Variants in MACROD2 observed in about 807,000 individuals in gnomAD.
The protein encoded by MACROD2 is mono-ADP ribosylhydrolase 2.
A neutral mutation model predicts 70.4 loss-of-function variants in MACROD2; 36 were observed. The observed-to-expected ratio is 0.51, with a 90% CI of 0.39 to 0.68. The LOEUF is 0.68. Among genes scored for constraint, MACROD2 ranks in the 30% least tolerant of loss-of-function variants. MACROD2 has a pLI of 0.00. For missense variants in MACROD2, 496 were observed against 538.4 expected (o/e 0.92, Z 0.78); for synonymous variants, 172 against 178.8 (o/e 0.96, Z 0.30).
intron 3 of MACROD2, among the ~76,000 whole-genome samples, chr20:14,472,066 G>A (rs1288440057): frequency 6.6e-6 from 1 of 152,064 alleles, no homozygotes; most frequent in African/African-American, 2.4e-5. Flanking sequence ...ATCTTAATTA[G>A]CATTCAGGGG....
chr20:16,040,813 A>G (rs1428194737), intron 15 of MACROD2, among the ~76,000 whole-genome samples: 2 of 151,928 alleles, frequency 1.3e-5, no homozygotes, highest in African/African-American at 4.8e-5. Context: ...GGCAAAATTC[A>G]TTTTCTCTTT....
At chr20:15,742,512 T>C (rs1424008631) in intron 8 of MACROD2, among the ~76,000 whole-genome samples, 2 of 152,228 alleles carry the variant, frequency 1.3e-5, no homozygotes, top group Non-Finnish European at 2.9e-5. Context: ...GGACAGCCCA[T>C]AACATAGGGA....
chr20:15,694,538 T>G (rs910805495), intron 8 of MACROD2, among the ~76,000 whole-genome samples: 14 of 152,324 alleles, frequency 9.2e-5, no homozygotes, highest in African/African-American at 3.1e-4. Flanking sequence ...CTATTCATAT[T>G]CTTAGCCCAC....
chr20:14,550,424 G>A (rs1410476239), intron 4 of MACROD2, among the ~76,000 whole-genome samples: 1 of 152,030 alleles, frequency 6.6e-6, no homozygotes, highest in Admixed American at 6.6e-5. Flanking sequence ...GTATTAGGAG[G>A]TGGGGCCTTT....
At chr20:14,578,108 G>C (rs1026259528) in intron 4 of MACROD2, among the ~76,000 whole-genome samples, 2 of 151,394 alleles carry the variant, frequency 1.3e-5, no homozygotes, top group East Asian at 1.9e-4. Context: ...AACTTTAAAG[G>C]CTCTTCCAAG....
chr20:14,404,276 A>C (rs1023712709), intron 3 of MACROD2, among the ~76,000 whole-genome samples: 4 of 152,300 alleles, frequency 2.6e-5, no homozygotes, highest in Admixed American at 1.3e-4. Flanking sequence ...CATAAAGGCT[A>C]AGAATTTTCC....
At chr20:15,536,305 A>G (rs1460233812) in intron 8 of MACROD2, among the ~76,000 whole-genome samples, 3 of 152,182 alleles carry the variant, frequency 2.0e-5, no homozygotes, top group African/African-American at 4.8e-5. Flanking sequence ...TATCACCTCC[A>G]CATGGGTTGT....
At chr20:14,998,347 T>C (rs1308608814) in intron 5 of MACROD2, among the ~76,000 whole-genome samples, 1 of 152,150 alleles carries the variant, frequency 6.6e-6, no homozygotes, top group Non-Finnish European at 1.5e-5. Context: ...ATAGCTGTTT[T>C]GAAGAAGCTC....
At chr20:14,596,653 T>G (rs957324092) in intron 4 of MACROD2, among the ~76,000 whole-genome samples, 2 of 152,126 alleles carry the variant, frequency 1.3e-5, no homozygotes, top group Admixed American at 6.6e-5. Flanking sequence ...ATTGCTATAC[T>G]TACACTTTTA....
chr20:15,365,701 A>G (rs1298115355), intron 6 of MACROD2, among the ~76,000 whole-genome samples: 1 of 152,118 alleles, frequency 6.6e-6, no homozygotes, highest in East Asian at 1.9e-4. Context: ...GTTTGTAATC[A>G]GAAAGATCAC....
intron 8 of MACROD2, among the ~76,000 whole-genome samples, chr20:15,764,633 C>T (rs1223585628): frequency 1.3e-5 from 2 of 152,154 alleles, no homozygotes; most frequent in African/African-American, 2.4e-5. Flanking sequence ...TCTTCCGATG[C>T]CACCACCATA....
intron 5 of MACROD2, among the ~76,000 whole-genome samples, chr20:15,180,402 A>G (rs2076492286): frequency 6.6e-6 from 1 of 152,244 alleles, no homozygotes; most frequent in Non-Finnish European, 1.5e-5. Context: ...ACCCAGACAA[A>G]TTGTGGTACA....
At chr20:15,947,910 G>A (rs1174160763) in intron 12 of MACROD2, among the ~76,000 whole-genome samples, 1 of 152,132 alleles carries the variant, frequency 6.6e-6, no homozygotes, top group Non-Finnish European at 1.5e-5. Flanking sequence ...TAGAAAATGG[G>A]CCACTTTTTG....
At chr20:14,183,198 A>G (rs970262894) in intron 3 of MACROD2, among the ~76,000 whole-genome samples, 3 of 151,448 alleles carry the variant, frequency 2.0e-5, no homozygotes, top group African/African-American at 7.3e-5. Flanking sequence ...TCCTTCTGAT[A>G]GGCCCCAGTG....
chr20:16,005,000 A>C (rs1448815314), intron 15 of MACROD2, among the ~76,000 whole-genome samples: 1 of 152,254 alleles, frequency 6.6e-6, no homozygotes, highest in African/African-American at 2.4e-5. Flanking sequence ...TGAGCAAAGC[A>C]CATCCATACA....
chr20:15,283,649 G>A (rs1216111928), intron 6 of MACROD2, among the ~76,000 whole-genome samples: 3 of 151,374 alleles, frequency 2.0e-5, no homozygotes, highest in South Asian at 2.1e-4. Context: ...TCCAGCCTGG[G>A]CAACAAGAGT....
At chr20:15,423,465 A>G (rs189677174) in intron 6 of MACROD2, among the ~76,000 whole-genome samples, 130 of 152,270 alleles carry the variant, frequency 8.5e-4, no homozygotes, top group Non-Finnish European at 1.5e-3. Flanking sequence ...TCAGGCTGCT[A>G]TAACAAATAC....
chr20:14,382,718 C>A lies in MACROD2; in HGVS notation c.272-110761C>A, dbSNP rs1227383875. 2.0e-5 allele frequency among the ~76,000 whole-genome samples: 3 copies of A among 151,890 alleles called. No individual in the cohort carries two copies. In the East Asian group the frequency reaches 5.8e-4, roughly 29 times the overall value. On this transcript the variant is annotated intron_variant, in intron 3 of 17. Coordinates refer to ENST00000684519, the MANE Select transcript of MACROD2 (RefSeq NM_001351661.2). ...AATAAATAAAAGGTTAATCTGAATT[C>A]TTTTTTAGGGGTGACCTACCGATTT... is the stretch of plus-strand genomic sequence containing the variant.
chr20:14,970,645 A>G (rs916033749), intron 5 of MACROD2, among the ~76,000 whole-genome samples: 1 of 152,048 alleles, frequency 6.6e-6, no homozygotes, highest in Non-Finnish European at 1.5e-5. Flanking sequence ...TAAAAAATTT[A>G]TTTAGTCATT....
Sources: gnomAD v4.1 joint callset for allele counts (sites outside exome capture counted in the v4.1 genomes callset) on GRCh38, gnomAD v4.1.1 for gene constraint, MANE v1.5 for transcripts, NCBI Gene and HGNC (gene_info 2026-07-23, HGNC 2026-07-21) for gene names.